The following ZNF280D variants were observed in gnomAD, a reference collection of about 807,000 sequenced individuals.
The protein encoded by ZNF280D is zinc finger protein 280D.
A neutral mutation model predicts 94.7 loss-of-function variants in ZNF280D; 39 were observed. That is an observed-to-expected ratio of 0.41 (90% CI 0.32 to 0.54). ZNF280D has a LOEUF of 0.54. Among genes scored for constraint, ZNF280D ranks in the 20% least tolerant of loss-of-function variants. ZNF280D has a pLI of 0.22. For synonymous variants in ZNF280D, 398 were observed against 377.6 expected (o/e 1.05, Z -0.63); for missense variants, 1,090 against 1,149.3 (o/e 0.95, Z 0.75).
At chr15:56,650,874 T>C (rs1448457085) in intron 19 of ZNF280D, among the ~76,000 whole-genome samples, 1 of 152,068 alleles carries the variant, frequency 6.6e-6, no homozygotes, top group African/African-American at 2.4e-5. Context: ...ACTTTGCCTG[T>C]TTCATGTCTT....
chr15:56,675,467 C>T (rs1187592997), intron 13 of ZNF280D, among the ~76,000 whole-genome samples: 1 of 151,016 alleles, frequency 6.6e-6, no homozygotes, highest in Non-Finnish European at 1.5e-5. Context: ...TTCAACAAAA[C>T]AAACAGTGAT....
chr15:56,715,833 C>T (rs1222905798), intron 1 of ZNF280D, among the ~76,000 whole-genome samples: 8 of 152,070 alleles, frequency 5.3e-5, no homozygotes, highest in Admixed American at 3.9e-4. Context: ...CCTCCCTATC[C>T]GTGGTTCCAC....
chr15:56,638,115 A>G (rs1596322454), intron 20 of ZNF280D, among the ~76,000 whole-genome samples: 1 of 152,334 alleles, frequency 6.6e-6, no homozygotes, highest in African/African-American at 2.4e-5. Context: ...AGCCTGTCAT[A>G]TCAAGGAAAA....
chr15:56,671,501 T>C (rs896333215), intron 13 of ZNF280D, among the ~76,000 whole-genome samples: 3 of 152,110 alleles, frequency 2.0e-5, no homozygotes, highest in South Asian at 4.1e-4. Context: ...TGCGGTTTTA[T>C]TTCTGGGTTC....
intron 1 of ZNF280D, chr15:56,732,540 T>C (rs527877820): frequency 1.3e-5 from 2 of 152,168 alleles, no homozygotes; most frequent in South Asian, 2.1e-4. Context: ...TTATGTTTCA[T>C]GGCACTAAAA....
At chr15:56,716,661 G>A (rs561433735) in intron 1 of ZNF280D, among the ~76,000 whole-genome samples, 1 of 152,238 alleles carries the variant, frequency 6.6e-6, no homozygotes, top group African/African-American at 2.4e-5. Flanking sequence ...AGTGGGGACT[G>A]ATGTCAGATT....
At chr15:56,674,533 G>C (rs1197804486) in intron 13 of ZNF280D, among the ~76,000 whole-genome samples, 1 of 152,058 alleles carries the variant, frequency 6.6e-6, no homozygotes, top group Non-Finnish European at 1.5e-5. Context: ...AACTCTGGTA[G>C]AGCAGTAAAA....
chr15:56,643,433 T>C (rs1331257411), intron 19 of ZNF280D, among the ~76,000 whole-genome samples: 4 of 151,680 alleles, frequency 2.6e-5, no homozygotes, highest in Non-Finnish European at 4.4e-5. Flanking sequence ...TTTTATCTAT[T>C]GTGAAATTCA....
intron 1 of ZNF280D, among the ~76,000 whole-genome samples, chr15:56,721,814 T>C (rs2058381360): frequency 6.6e-6 from 1 of 152,300 alleles, no homozygotes; most frequent in East Asian, 1.9e-4. Context: ...CACTTTCTTA[T>C]CATTCATGTG....
chr15:56,722,422 A>G (rs1202681682), intron 1 of ZNF280D, among the ~76,000 whole-genome samples: 2 of 152,236 alleles, frequency 1.3e-5, no homozygotes, highest in Non-Finnish European at 2.9e-5. Flanking sequence ...AAAGCAAGGT[A>G]TGACTATATT....
At chr15:56,662,106 CT>C (rs1262871158) in intron 16 of ZNF280D, among the ~76,000 whole-genome samples, 3 of 151,998 alleles carry the variant, frequency 2.0e-5, no homozygotes, top group African/African-American at 7.3e-5. Context: ...AGAGATACTG[CT>C]TATGTATGTT....
intron 7 of ZNF280D, among the ~76,000 whole-genome samples, chr15:56,692,376 T>C (rs1374557512): frequency 6.6e-6 from 1 of 152,094 alleles, no homozygotes; most frequent in Non-Finnish European, 1.5e-5. Flanking sequence ...CAAAAAATCA[T>C]GTATACGTCT....
At chr15:56,708,896 A>G (rs2057583784) in intron 1 of ZNF280D, among the ~76,000 whole-genome samples, 1 of 152,200 alleles carries the variant, frequency 6.6e-6, no homozygotes, top group Non-Finnish European at 1.5e-5. Context: ...ACCTAAAACC[A>G]TAAAAACCCT....
intron 19 of ZNF280D, among the ~76,000 whole-genome samples, chr15:56,650,983 T>C (rs1018516949): frequency 6.6e-6 from 1 of 152,198 alleles, no homozygotes; most frequent in Admixed American, 6.5e-5. Flanking sequence ...CTGATTCATA[T>C]TTCTCCATAG....
At chr15:56,714,866 T>C (rs1024780631) in intron 1 of ZNF280D, among the ~76,000 whole-genome samples, 5 of 152,164 alleles carry the variant, frequency 3.3e-5, no homozygotes, top group African/African-American at 1.2e-4. Flanking sequence ...AATATACTTA[T>C]TTTCTTTCTA....
intron 13 of ZNF280D, among the ~76,000 whole-genome samples, chr15:56,671,170 T>G (rs2054839362): frequency 6.6e-6 from 1 of 152,166 alleles, no homozygotes; most frequent in South Asian, 2.1e-4. Context: ...CAGAAGCTCT[T>G]TAATTAGATC....
intron 12 of ZNF280D, 38 bp from the exon 13 acceptor site, chr15:56,676,854 T>G (rs1270849079): frequency 3.5e-6 from 5 of 1,445,600 alleles, no homozygotes; most frequent in African/African-American, 1.4e-5. Flanking sequence ...ACTTGAAAAT[T>G]TAAAACTGAT....
intron 21 of ZNF280D, chr15:56,634,238 T>C (rs944614334): frequency 1.3e-5 from 2 of 152,240 alleles, no homozygotes; most frequent in Non-Finnish European, 1.5e-5. Context: ...TTAATTTCAA[T>C]CACTTAACTC....
intron 6 of ZNF280D, among the ~76,000 whole-genome samples, chr15:56,694,839 G>C (rs1836474022): frequency 6.6e-6 from 1 of 152,092 alleles, no homozygotes; most frequent in Admixed American, 6.5e-5. Context: ...GTCTATAGTT[G>C]GGTTAATGTT....
Sources: gnomAD v4.1 joint callset for allele counts (sites outside exome capture counted in the v4.1 genomes callset) on GRCh38, gnomAD v4.1.1 for gene constraint, MANE v1.5 for transcripts, NCBI Gene and HGNC (gene_info 2026-07-23, HGNC 2026-07-21) for gene names.